The following SERPINB7 variants were observed in gnomAD, a reference collection of about 807,000 sequenced individuals.
The protein encoded by SERPINB7 is serpin family B member 7, also known as serpin B7.
Under a neutral mutation model 37.4 loss-of-function variants are expected in SERPINB7, and 31 were observed. The ratio of observed to expected loss-of-function variants is 0.83; its 90% CI spans 0.62 to 1.12. The LOEUF is 1.12. Ranked by LOEUF, SERPINB7 falls within the 50% of genes most tolerant of loss-of-function variation. SERPINB7 has a pLI of 0.00. For synonymous variants in SERPINB7, 163 were observed against 166.1 expected, an observed-to-expected ratio of 0.98 and a Z score of 0.14; for missense variants, 521 against 455.3, an observed-to-expected ratio of 1.14 and a Z score of -1.31.
chr18:63,777,664 C>T (rs1282766686), intron 1 of SERPINB7: 1 of 152,000 alleles, frequency 6.6e-6, no homozygotes, highest in East Asian at 1.9e-4. Flanking sequence ...TATAAAGCAT[C>T]TGAATATATT....
intron 1 of SERPINB7, among the ~76,000 whole-genome samples, 173 bp downstream of exon 1, chr18:63,775,889 T>G (rs577985807): frequency 9.7e-4 from 147 of 152,250 alleles, no homozygotes; most frequent in African/African-American, 3.4e-3. Context: ...GGGATGCTTT[T>G]CTGGTGGGGC....
intron 1 of SERPINB7, 42 bp downstream of exon 1, chr18:63,775,758 A>G (rs2049241226): frequency 6.6e-6 from 1 of 152,116 alleles, no homozygotes; most frequent in African/African-American, 2.4e-5. Flanking sequence ...ATTGATTTAC[A>G]TTATTGCTCT....
chr18:63,789,914 T>C (rs2049409670), intron 2 of SERPINB7, among the ~76,000 whole-genome samples: 1 of 152,172 alleles, frequency 6.6e-6, no homozygotes, highest in Non-Finnish European at 1.5e-5. Context: ...CTTCTATAAA[T>C]CAAATGCTGA....
intron 6 of SERPINB7, 109 bp from the exon 7 acceptor site, chr18:63,800,757 G>T: frequency 8.0e-7 from 1 of 1,245,820 alleles, no homozygotes; most frequent in Non-Finnish European, 1.1e-6. Context: ...AATCTGCAGG[G>T]TCAACTGAGC....
chr18:63,761,953 C>T (rs1334650349), intron 1 of SERPINB7, among the ~76,000 whole-genome samples: 1 of 152,174 alleles, frequency 6.6e-6, no homozygotes, highest in African/African-American at 2.4e-5. Context: ...CTGACCTGAT[C>T]CAACTTATCT....
intron 1 of SERPINB7, among the ~76,000 whole-genome samples, chr18:63,759,538 TG>T (rs2049140980): frequency 6.6e-6 from 1 of 152,174 alleles, no homozygotes; most frequent in African/African-American, 2.4e-5. Flanking sequence ...TCTTTCTATT[TG>T]TTTTCTCCCT....
chr18:63,780,664 C>T (rs2049292624), intron 1 of SERPINB7, among the ~76,000 whole-genome samples: 1 of 152,128 alleles, frequency 6.6e-6, no homozygotes, highest in Non-Finnish European at 1.5e-5. Context: ...TTTGAAAGAA[C>T]ATAGGTGTTC....
rs777739096 is a variant in SERPINB7 at position 63,796,188 on chromosome 18, T to G, written c.337-78T>G. 107 of 814,098 alleles carry G rather than the reference T, an allele frequency of 1.3e-4. No individual in the cohort carries two copies. In the Middle Eastern group the frequency reaches 2.9e-3, roughly 22 times the overall value. 50.4% of individuals were successfully genotyped at this position (814,098 alleles called of 1,614,324 possible). ...AACCTTTGAATAAAGCAGTCGAAATTAAAAGTTCAAAAATACATTTCTTAT... is the reference window on the plus strand; with the variant it reads ...AACCTTTGAATAAAGCAGTCGAAATGAAAAGTTCAAAAATACATTTCTTAT... On this transcript the variant is annotated intron_variant, in intron 4 of 7. Transcript: ENST00000398019.
upstream of SERPINB7, among the ~76,000 whole-genome samples, chr18:63,771,619 T>A (rs1213561512): frequency 6.6e-6 from 1 of 152,150 alleles, no homozygotes; most frequent in Non-Finnish European, 1.5e-5. Flanking sequence ...ATTAAAGGCA[T>A]CCTTCTAAGG....
At chr18:63,798,802 C>A in intron 6 of SERPINB7, 56 bp downstream of exon 6, 1 of 1,554,300 alleles carries the variant, frequency 6.4e-7, no homozygotes, top group Non-Finnish European at 8.8e-7. Context: ...TATTCCTTTG[C>A]AGGACTGTGA....
chr18:63,760,904 T>C (rs913735055), intron 1 of SERPINB7, among the ~76,000 whole-genome samples: 3 of 152,364 alleles, frequency 2.0e-5, no homozygotes, highest in Non-Finnish European at 2.9e-5. Context: ...GGTCCTCTCA[T>C]GGAGAACCTT....
intron 2 of SERPINB7, among the ~76,000 whole-genome samples, chr18:63,786,665 A>G (rs2049376701): frequency 6.6e-6 from 1 of 152,062 alleles, no homozygotes; most frequent in Non-Finnish European, 1.5e-5. Context: ...AATTTCTTAG[A>G]CTGTATAGAC....
At chr18:63,781,295 A>G (rs372628542) in intron 1 of SERPINB7, among the ~76,000 whole-genome samples, 1 of 152,238 alleles carries the variant, frequency 6.6e-6, no homozygotes, top group Non-Finnish European at 1.5e-5. Flanking sequence ...GATCCTGTAC[A>G]TAGATCATCT....
rs2049489495 is a variant in SERPINB7 at position 63,796,408 on chromosome 18, T to A, written c.454+25T>A. 3.0e-6 allele frequency: 4 copies of A among 1,314,064 alleles called. No homozygotes were observed. In the South Asian group the frequency reaches 4.8e-5, roughly 16 times the overall value. The allele number at this position is 1,314,064 out of a possible 1,614,324, so 81.4% of individuals were successfully genotyped here. ...GGTGAGTATTGAAATACCCTATTTT[T>A]CTACAAGATTTGTCAGTTATATGTG... On this transcript the variant is annotated intron_variant, in intron 5 of 7. Coordinates refer to ENST00000398019, the MANE Select transcript of SERPINB7 (RefSeq NM_003784.4).
chr18:63,795,296 C>T (rs749075231), intron 4 of SERPINB7, among the ~76,000 whole-genome samples: 15 of 152,126 alleles, frequency 9.9e-5, no homozygotes, highest in Non-Finnish European at 1.8e-4. Context: ...CGTGGTAGCT[C>T]ATGCCTGTAA....
At chr18:63,755,944 A>C (rs2049119412) in intron 1 of SERPINB7, among the ~76,000 whole-genome samples, 1 of 152,156 alleles carries the variant, frequency 6.6e-6, no homozygotes, top group Non-Finnish European at 1.5e-5. Context: ...TCATTTTGTG[A>C]ATAAAAAGTA....
intron 1 of SERPINB7, among the ~76,000 whole-genome samples, chr18:63,778,368 G>A (rs1210754379): frequency 6.6e-6 from 1 of 152,010 alleles, no homozygotes; most frequent in Non-Finnish European, 1.5e-5. Flanking sequence ...TTATTGATAA[G>A]AATAAAAATT....
rs1720845 is a variant in SERPINB7 at position 63,792,182 on chromosome 18, A to G, written c.169-211A>G. Among the ~76,000 whole-genome samples, 19,920 of 152,184 alleles carry G rather than the reference A, an allele frequency of 0.13. 2,182 individuals are homozygous for G. The highest frequency in any genetic ancestry group is 0.41 in the East Asian group (2,131 of 5,168). ...CCTAAGAGAAAATCAAGTTGTGGTAAAGAAAGAAAATGCAATAAAAATTAA... is the reference window on the plus strand; with the variant it reads ...CCTAAGAGAAAATCAAGTTGTGGTAGAGAAAGAAAATGCAATAAAAATTAA... On this transcript the variant is annotated intron_variant, in intron 2 of 7. Coordinates refer to ENST00000398019, the MANE Select transcript of SERPINB7 (RefSeq NM_003784.4).
intron 1 of SERPINB7, among the ~76,000 whole-genome samples, chr18:63,758,472 G>A (rs2049134103): frequency 1.3e-5 from 2 of 152,152 alleles, no homozygotes; most frequent in Admixed American, 6.5e-5. Context: ...ATTCGCTGAA[G>A]CACTGGGAAA....
Sources: gnomAD v4.1 joint callset for allele counts (sites outside exome capture counted in the v4.1 genomes callset) on GRCh38, gnomAD v4.1.1 for gene constraint, MANE v1.5 for transcripts, NCBI Gene and HGNC (gene_info 2026-07-23, HGNC 2026-07-21) for gene names.